The following UNC13C variants were observed in gnomAD, a reference collection of about 807,000 sequenced individuals.
The protein encoded by UNC13C is unc-13 homolog C.
UNC13C carries 174 observed loss-of-function variants against 245.4 expected under a neutral mutation model. The ratio of observed to expected loss-of-function variants is 0.71; its 90% CI spans 0.63 to 0.80. The LOEUF (loss-of-function observed/expected upper bound fraction) is 0.80. UNC13C is among the 30% of genes least tolerant of loss of function. UNC13C has a pLI of 0.00. For missense variants in UNC13C, 2,829 were observed against 2,602.9 expected (o/e 1.09, Z -1.89); for synonymous variants, 992 against 895.1 (o/e 1.11, Z -1.93).
At chr15:54,442,019 A>T (rs553686743) in intron 19 of UNC13C, among the ~76,000 whole-genome samples, 1 of 151,886 alleles carries the variant, frequency 6.6e-6, no homozygotes, top group South Asian at 2.1e-4. Context: ...TTGTGTATTG[A>T]CTTTGTATCT....
intron 4 of UNC13C, among the ~76,000 whole-genome samples, chr15:54,154,931 T>C (rs2032678899): frequency 6.6e-6 from 1 of 152,250 alleles, no homozygotes; most frequent in Non-Finnish European, 1.5e-5. Flanking sequence ...TTGTAAATAC[T>C]AAGTTTCCTA....
chr15:54,171,779 G>A (rs113206925), intron 4 of UNC13C, among the ~76,000 whole-genome samples: 3 of 152,080 alleles, frequency 2.0e-5, no homozygotes, highest in African/African-American at 4.8e-5. Context: ...AAGAAAATTG[G>A]TATTTCAAAG....
At chr15:53,947,367 A>G in the UNC13C span, among the ~76,000 whole-genome samples, 3 of 152,224 alleles carry the variant, frequency 2.0e-5, no homozygotes, top group Non-Finnish European at 2.9e-5. Flanking sequence ...TGTAAAATGG[A>G]TGAATGAACA....
chr15:54,131,044 G>T (rs1241533197), intron 2 of UNC13C, among the ~76,000 whole-genome samples: 2 of 152,192 alleles, frequency 1.3e-5, no homozygotes, highest in Non-Finnish European at 2.9e-5. Flanking sequence ...CAATATTCCT[G>T]TGAGCAATTT....
At chr15:54,251,565 G>T (rs1596085672) in intron 8 of UNC13C, among the ~76,000 whole-genome samples, 1 of 152,068 alleles carries the variant, frequency 6.6e-6, no homozygotes, top group Non-Finnish European at 1.5e-5. Flanking sequence ...TGTTACTTTA[G>T]GTCTAGAAAT....
chr15:54,014,546 G>A lies in UNC13C; in HGVS notation c.1643G>A (p.Arg548His), dbSNP rs751871290. The change falls in exon 2 of 33, where the codon CGT becomes CAT. Residue 548 changes from arginine (R) to histidine (H), a missense_variant. Arg to His is a conservative substitution (Grantham distance 29). Transcript: ENST00000260323. ...QSDFFTAKLS[R>H]SESDFSKLCQ... ...GATTTTTTCACTGCTAAACTTAGTC[G>A]TTCTGAATCAGATTTTTCCAAATTG... The A allele has an allele frequency of 2.1e-5, 34 of 1,613,610 alleles. No homozygotes were observed. Among genetic ancestry groups the A allele is most frequent in the African/African-American group, 6.7e-5 (5 of 74,886 alleles).
At chr15:54,381,733 A>G (rs2039728937) in intron 17 of UNC13C, among the ~76,000 whole-genome samples, 1 of 152,142 alleles carries the variant, frequency 6.6e-6, no homozygotes, top group Non-Finnish European at 1.5e-5. Flanking sequence ...AGATTCATAA[A>G]GAAAATATTA....
intron 8 of UNC13C, among the ~76,000 whole-genome samples, chr15:54,259,565 C>A (rs2036369373): frequency 6.6e-6 from 1 of 152,146 alleles, no homozygotes; most frequent in Admixed American, 6.5e-5. Context: ...CAATTATCTC[C>A]CACCAGGTAC....
intron 26 of UNC13C, 113 bp downstream of exon 26, chr15:54,533,179 A>G (rs762935129): frequency 4.0e-6 from 3 of 741,356 alleles, no homozygotes; most frequent in Non-Finnish European, 6.4e-6. Flanking sequence ...GTCTTTCTAT[A>G]GAAATAAATG....
chr15:54,470,072 A>G (rs933821145), intron 19 of UNC13C, among the ~76,000 whole-genome samples: 4 of 151,652 alleles, frequency 2.6e-5, no homozygotes, highest in African/African-American at 9.7e-5. Context: ...ATTGATTTAC[A>G]TATATTGTAC....
chr15:53,912,895 A>T, the UNC13C span: 1 of 152,248 alleles, frequency 6.6e-6, no homozygotes, highest in Admixed American at 6.5e-5. Flanking sequence ...TCAGGAACTG[A>T]ATAAAGCAAC....
chr15:54,585,325 C>T (rs1596617789), intron 30 of UNC13C, among the ~76,000 whole-genome samples: 1 of 151,994 alleles, frequency 6.6e-6, no homozygotes, highest in East Asian at 1.9e-4. Context: ...GTACTGCCCC[C>T]GTGTCTCTCT....
At chr15:54,372,574 C>G (rs559001271) in intron 17 of UNC13C, among the ~76,000 whole-genome samples, 1 of 152,220 alleles carries the variant, frequency 6.6e-6, no homozygotes, top group Admixed American at 6.5e-5. Flanking sequence ...TATTTATATA[C>G]TTTATTATCT....
At chr15:54,111,163 T>C (rs77256724) in intron 2 of UNC13C, among the ~76,000 whole-genome samples, 9,921 of 152,254 alleles carry the variant, frequency 0.065, 445 homozygotes, top group African/African-American at 0.13. Flanking sequence ...TGGAGAAACA[T>C]CCTCCTGTTT....
chr15:54,586,823 T>C (rs1427814202), intron 30 of UNC13C, among the ~76,000 whole-genome samples: 1 of 152,214 alleles, frequency 6.6e-6, no homozygotes, highest in African/African-American at 2.4e-5. Context: ...AGCCAGCTCC[T>C]GGTTAGCCAG....
chr15:54,213,696 A>G lies in UNC13C; in HGVS notation c.3072-21334A>G, dbSNP rs117428776. 6.0e-3 allele frequency among the ~76,000 whole-genome samples: 919 copies of G among 152,208 alleles called. 54 individuals are homozygous for G. In the East Asian group the frequency reaches 0.11, roughly 18 times the overall value. On this transcript the variant is annotated intron_variant, in intron 4 of 32. Coordinates refer to ENST00000260323, the MANE Select transcript of UNC13C (RefSeq NM_001080534.3). ...GAGATGTGTGATGATGTGTAAGTGC[A>G]TGTAAGCATAAAGCACTGAATTGCA... is the stretch of plus-strand genomic sequence containing the variant.
chr15:54,381,955 T>A (rs952002184), intron 17 of UNC13C, among the ~76,000 whole-genome samples: 1 of 152,162 alleles, frequency 6.6e-6, no homozygotes, highest in Non-Finnish European at 1.5e-5. Context: ...ATTCTTCTCA[T>A]CAGCATGTGG....
intron 1 of UNC13C, among the ~76,000 whole-genome samples, chr15:54,011,764 C>T (rs1163390195): frequency 1.3e-5 from 2 of 152,156 alleles, no homozygotes; most frequent in African/African-American, 4.8e-5. Flanking sequence ...CTATGCTCCC[C>T]TTGTCTCTTG....
Position 54,165,932 on chromosome 15 carries a change from G to A in UNC13C, c.3071+22248G>A, listed in dbSNP as rs1320799622. 3.3e-5 allele frequency among the ~76,000 whole-genome samples: 5 copies of A among 151,528 alleles called. No homozygotes were observed. In the East Asian group the frequency reaches 9.7e-4, roughly 29 times the overall value. On this transcript the variant is annotated intron_variant, in intron 4 of 32. Coordinates refer to ENST00000260323, the MANE Select transcript of UNC13C (RefSeq NM_001080534.3). ...TTAAAATTTGTATTATTTTTAACAG[G>A]TGAATTCAAAATGTTTTCTTATTTC...
Sources: gnomAD v4.1 joint callset for allele counts (sites outside exome capture counted in the v4.1 genomes callset) on GRCh38, gnomAD v4.1.1 for gene constraint, MANE v1.5 for transcripts, NCBI Gene and HGNC (gene_info 2026-07-23, HGNC 2026-07-21) for gene names.